The following VAV3 variants were observed in gnomAD, a reference collection of about 807,000 sequenced individuals.
VAV3 encodes vav guanine nucleotide exchange factor 3.
VAV3 carries 94 observed loss-of-function variants against 131.2 expected under a neutral mutation model. That is an observed-to-expected ratio of 0.72 (90% confidence interval 0.61 to 0.85). The LOEUF is 0.85. Among genes scored for constraint, VAV3 ranks in the 40% least tolerant of loss-of-function variants. The probability of loss-of-function intolerance (pLI) is 0.00; values close to 1 mark genes in which losing one functional copy is unlikely to be tolerated. For missense variants in VAV3, 939 were observed against 1,002.7 expected, an observed-to-expected ratio of 0.94 and a Z score of 0.86; for synonymous variants, 349 against 342.0, an observed-to-expected ratio of 1.02 and a Z score of -0.22.
At chr1:107,821,646 G>A (rs1276682790) in intron 2 of VAV3, among the ~76,000 whole-genome samples, 1 of 152,174 alleles carries the variant, frequency 6.6e-6, no homozygotes, top group Non-Finnish European at 1.5e-5. Flanking sequence ...GAGGTTGGAG[G>A]GGCCAGGACA....
intron 2 of VAV3, among the ~76,000 whole-genome samples, chr1:107,793,448 G>C (rs1570962404): frequency 1.3e-5 from 2 of 152,314 alleles, no homozygotes; most frequent in Non-Finnish European, 2.9e-5. Context: ...CCCAGAATGA[G>C]AGCACAGGTT....
chr1:107,765,223 G>A (rs777942596), intron 8 of VAV3, 48 bp from the exon 9 acceptor site: 1 of 1,396,822 alleles, frequency 7.2e-7, no homozygotes, highest in Non-Finnish European at 1.0e-6. Flanking sequence ...AACCAAGAAT[G>A]AACTGGAGGG....
intron 1 of VAV3, among the ~76,000 whole-genome samples, chr1:107,925,989 G>C (rs1036310406): frequency 1.3e-5 from 2 of 151,764 alleles, no homozygotes; most frequent in African/African-American, 4.8e-5. Context: ...ATTGTTACAA[G>C]AATCAACAAG....
intron 7 of VAV3, among the ~76,000 whole-genome samples, chr1:107,767,727 A>G (rs1360221365): frequency 1.3e-5 from 2 of 152,156 alleles, no homozygotes; most frequent in Non-Finnish European, 2.9e-5. Context: ...GGGGGTGGGG[A>G]TGTATAAACC....
At chr1:107,896,357 A>G (rs549970904) in intron 1 of VAV3, among the ~76,000 whole-genome samples, 1 of 150,496 alleles carries the variant, frequency 6.6e-6, no homozygotes, top group Non-Finnish European at 1.5e-5. Context: ...TCTTCCAATC[A>G]GGATCATCAC....
At chr1:107,625,091 C>T (rs566658393) in intron 20 of VAV3, among the ~76,000 whole-genome samples, 1 of 152,118 alleles carries the variant, frequency 6.6e-6, no homozygotes, top group African/African-American at 2.4e-5. Context: ...ACACAGAGCA[C>T]GACCTAAGGA....
chr1:107,631,786 G>A (rs1439871053), intron 20 of VAV3, among the ~76,000 whole-genome samples: 1 of 151,614 alleles, frequency 6.6e-6, no homozygotes, highest in Non-Finnish European at 1.5e-5. Context: ...CTTCATCCTT[G>A]TCCCTACAAA....
chr1:107,704,446 T>C (rs1000855515), intron 17 of VAV3, 104 bp downstream of exon 17: 1 of 776,920 alleles, frequency 1.3e-6, no homozygotes, highest in African/African-American at 1.8e-5. Flanking sequence ...CAAAAGCAGA[T>C]ATGTTACAAT....
intron 2 of VAV3, among the ~76,000 whole-genome samples, chr1:107,837,172 C>A (rs1421408820): frequency 1.3e-5 from 2 of 151,964 alleles, no homozygotes; most frequent in Non-Finnish European, 2.9e-5. Flanking sequence ...AAATCCTTAA[C>A]AAAATACTAG....
chr1:107,871,347 C>T (rs1184568383), intron 2 of VAV3, among the ~76,000 whole-genome samples: 2 of 150,998 alleles, frequency 1.3e-5, no homozygotes, highest in Non-Finnish European at 2.9e-5. Flanking sequence ...TCTCCCCCCA[C>T]CAGACCTCAG....
At chr1:107,728,606 T>TATACGTATACGTATACGTATACGTATAC (rs1557798901) in intron 15 of VAV3, among the ~76,000 whole-genome samples, 246 of 79,200 alleles carry the variant, frequency 3.1e-3, no homozygotes, top group Middle Eastern at 8.1e-3. Context: ...TATACGTATA[T>TATACGTATACGTATACGTATACGTATAC]GTATATGTAT....
At chr1:107,800,710 T>G (rs1460899740) in intron 2 of VAV3, among the ~76,000 whole-genome samples, 2 of 152,202 alleles carry the variant, frequency 1.3e-5, no homozygotes, top group African/African-American at 4.8e-5. Flanking sequence ...CCTTATATAT[T>G]CTGGTTGTTA....
At chr1:107,664,162 T>A (rs1041083392) in intron 19 of VAV3, among the ~76,000 whole-genome samples, 3 of 152,176 alleles carry the variant, frequency 2.0e-5, no homozygotes, top group Non-Finnish European at 2.9e-5. Flanking sequence ...TTTTGTACAA[T>A]CACTCTTTGC....
At chr1:107,809,505 A>G (rs567404943) in intron 2 of VAV3, among the ~76,000 whole-genome samples, 2 of 152,306 alleles carry the variant, frequency 1.3e-5, no homozygotes, top group South Asian at 4.1e-4. Context: ...CAAATTGCAA[A>G]TATTTTATGA....
intron 1 of VAV3, among the ~76,000 whole-genome samples, chr1:107,878,880 A>C (rs1348068555): frequency 6.6e-6 from 1 of 152,132 alleles, no homozygotes; most frequent in Non-Finnish European, 1.5e-5. Context: ...CCTTGCTTTA[A>C]TTATTCCATA....
intron 2 of VAV3, chr1:107,785,453 C>T (rs1665928910): frequency 3.0e-6 from 4 of 1,329,024 alleles, no homozygotes; most frequent in East Asian, 5.2e-5. Context: ...GGAAAGGGTA[C>T]TTACAGGGAG....
At chr1:107,901,812 G>T (rs2101089962) in intron 1 of VAV3, among the ~76,000 whole-genome samples, 1 of 152,232 alleles carries the variant, frequency 6.6e-6, no homozygotes, top group African/African-American at 2.4e-5. Flanking sequence ...GGAGGCCAAG[G>T]CGGGTGGATC....
chr1:107,663,362 T>C (rs778187651), intron 19 of VAV3, among the ~76,000 whole-genome samples: 10 of 152,138 alleles, frequency 6.6e-5, no homozygotes, highest in Non-Finnish European at 1.2e-4. Context: ...CTGGTCCAAA[T>C]ATTACTCTTA....
At chr1:107,733,410 G>C (rs923361741) in intron 15 of VAV3, among the ~76,000 whole-genome samples, 2 of 152,220 alleles carry the variant, frequency 1.3e-5, no homozygotes, top group African/African-American at 4.8e-5. Flanking sequence ...GACAGAAGTA[G>C]GCTTCAGAAG....
Sources: allele counts gnomAD v4.1 joint callset (sites outside exome capture counted in the v4.1 genomes callset), GRCh38; gene constraint gnomAD v4.1.1; transcripts MANE v1.5; gene names NCBI Gene and HGNC (gene_info 2026-07-23, HGNC 2026-07-21).